Variants in NRBF2 observed in about 807,000 individuals in gnomAD.
NRBF2 encodes the protein nuclear receptor binding factor 2.
Under a neutral mutation model 28.5 loss-of-function variants are expected in NRBF2, and 12 were observed. The ratio of observed to expected loss-of-function variants is 0.42; its 90% CI spans 0.27 to 0.68. The LOEUF (loss-of-function observed/expected upper bound fraction) is 0.68. NRBF2 is among the 30% of genes least tolerant of loss of function. NRBF2 has a pLI of 0.24. For missense variants in NRBF2, 274 were observed against 333.5 expected, an observed-to-expected ratio of 0.82 and a Z score of 1.39; for synonymous variants, 102 against 116.5, an observed-to-expected ratio of 0.88 and a Z score of 0.80.
At position 63,133,345 on chromosome 10, in the gene NRBF2, C is replaced by A; in HGVS notation, c.-126C>A. The stretch of plus-strand genomic sequence containing the variant: ...AGGTTGTTGCTCCTTCAGCGCCTAT[C>A]GCTGGCTCTTGGGGCGCAGAGAGGG... On this transcript the variant is annotated 5_prime_UTR_variant, in exon 1 of 4. Transcript: ENST00000277746. 2 of 1,134,920 alleles carry A rather than the reference C, an allele frequency of 1.8e-6. No homozygotes were observed. Among genetic ancestry groups the A allele is most frequent in the Non-Finnish European group, 2.6e-6 (2 of 779,010 alleles). 70.3% of individuals were successfully genotyped at this position (1,134,920 alleles called of 1,614,324 possible).
chr10:63,146,620 G>A (rs1841565221), intron 2 of NRBF2, among the ~76,000 whole-genome samples: 1 of 152,136 alleles, frequency 6.6e-6, no homozygotes, highest in African/African-American at 2.4e-5. Flanking sequence ...CAAATAGTTG[G>A]CCATTTCAGG....
chr10:63,134,114 T>C (rs996660789), intron 1 of NRBF2, among the ~76,000 whole-genome samples: 2 of 152,046 alleles, frequency 1.3e-5, no homozygotes, highest in African/African-American at 4.8e-5. Flanking sequence ...AGACAGCCGT[T>C]CCTGTATTTA....
intron 1 of NRBF2, among the ~76,000 whole-genome samples, chr10:63,139,411 A>G (rs867694675): frequency 1.3e-5 from 2 of 152,218 alleles, no homozygotes; most frequent in African/African-American, 4.8e-5. Flanking sequence ...GAAAGAGGGT[A>G]GTATTGAACA....
At chr10:63,146,102 G>T in intron 1 of NRBF2, 107 bp from the exon 2 acceptor site, 1 of 818,790 alleles carries the variant, frequency 1.2e-6, no homozygotes, top group African/African-American at 1.7e-5. Flanking sequence ...GATTTGATAT[G>T]TGGCAACAAA....
In NRBF2 at chr10:63,142,302, G is replaced by GTT. The variant is rs141743950; in HGVS notation, c.31-3900_31-3899dup. Among the ~76,000 whole-genome samples the GTT allele has an allele frequency of 6.6e-4, 88 of 133,254 alleles. 5 individuals carry two copies. The highest frequency in any genetic ancestry group is 1.1e-3 in the East Asian group (5 of 4,418). 87.4% of individuals were successfully genotyped at this position (133,254 alleles called of 152,430 possible). A position where few individuals can be genotyped will look rare whatever the true frequency, so the allele number is the denominator to read the frequency against. ...CTGAATCAGAACCTTTGTTTTTTTTGTTTTTTTTGTTTTTTTTTGAGATGG... is the reference window on the plus strand; with the variant it reads ...CTGAATCAGAACCTTTGTTTTTTTTGTTTTTTTTTTGTTTTTTTTTGAGATGG... On this transcript the variant is annotated intron_variant, in intron 1 of 3. Transcript: ENST00000277746.
rs1288655802 is a variant in NRBF2, at chr10:63,145,056, T to C, written c.31-1153T>C. ...TCCTTATGTAAGAGAGGAAAACACA[T>C]TAACAAAGTCGTAGTTAAAGCAGCT... On this transcript the variant is annotated intron_variant, in intron 1 of 3. Coordinates refer to ENST00000277746, the MANE Select transcript of NRBF2 (RefSeq NM_030759.5). 2.0e-5 allele frequency among the ~76,000 whole-genome samples: 3 copies of C among 151,694 alleles called. No individual in the cohort carries two copies. In the East Asian group the frequency reaches 5.8e-4, roughly 29 times the overall value.
intron 3 of NRBF2, among the ~76,000 whole-genome samples, chr10:63,152,479 A>C (rs1014397127): frequency 6.6e-6 from 1 of 152,200 alleles, no homozygotes. Context: ...ATTCCTAATC[A>C]TTAGCTCTTA....
chr10:63,147,343 G>A (rs1053082743), intron 2 of NRBF2, among the ~76,000 whole-genome samples: 1 of 149,788 alleles, frequency 6.7e-6, no homozygotes, highest in Non-Finnish European at 1.5e-5. Flanking sequence ...TTTTGGAGAT[G>A]GAGTCTTGCT....
At chr10:63,147,193 A>ATCT in intron 2 of NRBF2, among the ~76,000 whole-genome samples, 1 of 152,090 alleles carries the variant, frequency 6.6e-6, no homozygotes, top group Non-Finnish European at 1.5e-5. Context: ...TTCTTTCTTG[A>ATCT]CAGAGGCTGC....
At chr10:63,133,964 C>T (rs1459306964) in intron 1 of NRBF2, among the ~76,000 whole-genome samples, 2 of 144,420 alleles carry the variant, frequency 1.4e-5, no homozygotes, top group Non-Finnish European at 3.1e-5. Context: ...CTCCACTTCC[C>T]CCTCCTCACC....
At chr10:63,142,780 C>CTTTCTTTTTTTTTTTT (rs1554821458) in intron 1 of NRBF2, among the ~76,000 whole-genome samples, 8 of 74,938 alleles carry the variant, frequency 1.1e-4, no homozygotes, top group African/African-American at 4.1e-4. Context: ...TTCTTTCTTT[C>CTTTCTTTTTTTTTTTT]TTTTTTTTTT....
At chr10:63,133,837 G>A (rs574770709) in intron 1 of NRBF2, among the ~76,000 whole-genome samples, 4 of 152,208 alleles carry the variant, frequency 2.6e-5, no homozygotes, top group African/African-American at 9.6e-5. Flanking sequence ...AGCCTGGAGA[G>A]GCACTGAAGC....
At chr10:63,140,489 C>G (rs1163030004) in intron 1 of NRBF2, among the ~76,000 whole-genome samples, 1 of 152,126 alleles carries the variant, frequency 6.6e-6, no homozygotes, top group Non-Finnish European at 1.5e-5. Flanking sequence ...GTAATCACGG[C>G]TCACCGTAGC....
intron 1 of NRBF2, 59 bp from the exon 2 acceptor site, chr10:63,146,150 T>C: frequency 7.2e-7 from 1 of 1,382,740 alleles, no homozygotes; most frequent in South Asian, 1.2e-5. Flanking sequence ...AGTTGCTTTT[T>C]GAAAGAAATC....
chr10:63,152,464 G>A (rs570643628), intron 3 of NRBF2, among the ~76,000 whole-genome samples: 36 of 152,214 alleles, frequency 2.4e-4, no homozygotes, highest in Non-Finnish European at 4.6e-4. Context: ...AGCCCTCTTC[G>A]GACCATTCCT....
chr10:63,142,780 C>CTCTTTT (rs1841494259), intron 1 of NRBF2, among the ~76,000 whole-genome samples: 1 of 74,900 alleles, frequency 1.3e-5, no homozygotes, highest in Non-Finnish European at 2.3e-5. Flanking sequence ...TTCTTTCTTT[C>CTCTTTT]TTTTTTTTTT....
chr10:63,138,065 C>T (rs1300670037), intron 1 of NRBF2, among the ~76,000 whole-genome samples: 1 of 152,080 alleles, frequency 6.6e-6, no homozygotes, highest in Non-Finnish European at 1.5e-5. Context: ...CACAGTGGCT[C>T]ATGCCTGTAA....
intron 1 of NRBF2, among the ~76,000 whole-genome samples, chr10:63,139,239 C>A (rs1320975814): frequency 6.6e-6 from 1 of 152,084 alleles, no homozygotes; most frequent in Non-Finnish European, 1.5e-5. Flanking sequence ...CGAACTCTTG[C>A]CCTCGTGATC....
chr10:63,140,959 A>G (rs1346337907), intron 1 of NRBF2, among the ~76,000 whole-genome samples: 1 of 152,112 alleles, frequency 6.6e-6, no homozygotes, highest in Non-Finnish European at 1.5e-5. Context: ...TCGGCCTCCC[A>G]AAGTGCTGGG....
Sources: gnomAD v4.1 joint callset for allele counts (sites outside exome capture counted in the v4.1 genomes callset) on GRCh38, gnomAD v4.1.1 for gene constraint, MANE v1.5 for transcripts, NCBI Gene and HGNC (gene_info 2026-07-23, HGNC 2026-07-21) for gene names.